NEDD9: variants seen among roughly 807,000 people sequenced by gnomAD.
The protein encoded by NEDD9 is neural precursor cell expressed, developmentally down-regulated 9.
In NEDD9, 26 loss-of-function variants were observed where a neutral mutation model predicts 76.6. The observed-to-expected ratio is 0.34, with a 90% confidence interval of 0.25 to 0.47. NEDD9 has a LOEUF of 0.47. Among genes scored for constraint, NEDD9 ranks in the 20% least tolerant of loss-of-function variants. The pLI, the probability that NEDD9 is intolerant of heterozygous loss-of-function variation, is 1.00. For missense variants in NEDD9, 937 were observed against 1,058.5 expected (o/e 0.89, Z 1.59); for synonymous variants, 392 against 414.2 (o/e 0.95, Z 0.65).
In NEDD9 at chr6:11,191,136, G is replaced by A. The variant is rs774051894; in HGVS notation, c.733C>T (p.Pro245Ser). The stretch of plus-strand genomic sequence containing the variant: ...GGCCTTCCAGCTTGTCTCATGGGAG[G>A]GGGGAAGTCATAGTCTTTTTCCCTA... ...GLREKDYDFPPPMRQAGRPDL... is the reference protein window; with the variant it reads ...GLREKDYDFPSPMRQAGRPDL... The change falls in exon 5 of 7, where the codon CCT becomes TCT. Residue 245 changes from proline to serine, a missense_variant. Pro to Ser is a moderately conservative substitution (Grantham distance 74, BLOSUM62 -1). Transcript: ENST00000379446. 1.1e-5 allele frequency: 17 copies of A among 1,613,822 alleles called. No individual in the cohort carries two copies. Among genetic ancestry groups the A allele is most frequent in the African/African-American group, 1.3e-5 (1 of 74,852 alleles).
intron 1 of NEDD9, among the ~76,000 whole-genome samples, chr6:11,374,763 T>C (rs1264936713): frequency 6.6e-6 from 1 of 152,360 alleles, no homozygotes; most frequent in African/African-American, 2.4e-5. Flanking sequence ...AACAATACTT[T>C]TGTAAATTAA....
chr6:11,307,331 G>T (rs1328562104), intron 2 of NEDD9, among the ~76,000 whole-genome samples: 5 of 152,204 alleles, frequency 3.3e-5, no homozygotes, highest in Middle Eastern at 3.4e-3. Flanking sequence ...TATAGTCTTG[G>T]CTAAGAGGGG....
intron 1 of NEDD9, among the ~76,000 whole-genome samples, chr6:11,224,178 G>GA (rs1341271195): frequency 3.0e-4 from 45 of 152,200 alleles, no homozygotes; most frequent in African/African-American, 9.6e-4. Flanking sequence ...GGATTTGGGA[G>GA]AAAAAGAGCT....
intron 5 of NEDD9, among the ~76,000 whole-genome samples, chr6:11,189,338 A>G (rs72827116): frequency 1.3e-5 from 2 of 152,194 alleles, no homozygotes; most frequent in African/African-American, 4.8e-5. Flanking sequence ...GTAGGAGGCC[A>G]ACTGTGACTA....
chr6:11,238,513 C>T (rs1027843971), intron 3 of NEDD9, among the ~76,000 whole-genome samples: 5 of 152,292 alleles, frequency 3.3e-5, no homozygotes, highest in Middle Eastern at 3.4e-3. Flanking sequence ...CTGATGCAGC[C>T]GTGTAAATAC....
At chr6:11,201,349 C>T (rs1758449988) in intron 2 of NEDD9, among the ~76,000 whole-genome samples, 1 of 152,232 alleles carries the variant, frequency 6.6e-6, no homozygotes, top group Non-Finnish European at 1.5e-5. Context: ...TCATATCCAT[C>T]ATGTTTTGCT....
At chr6:11,280,202 T>C (rs1256960378) in intron 3 of NEDD9, among the ~76,000 whole-genome samples, 1 of 152,196 alleles carries the variant, frequency 6.6e-6, no homozygotes, top group African/African-American at 2.4e-5. Context: ...TACCTCCAGC[T>C]GAGAAACAAC....
intron 1 of NEDD9, among the ~76,000 whole-genome samples, chr6:11,366,044 G>A (rs1762758591): frequency 6.6e-6 from 1 of 152,104 alleles, no homozygotes; most frequent in Non-Finnish European, 1.5e-5. Context: ...CCAGCACTTT[G>A]GGAGGCCAAG....
chr6:11,207,423 G>A (rs1191314310), intron 2 of NEDD9: 2 of 152,210 alleles, frequency 1.3e-5, no homozygotes, highest in African/African-American at 2.4e-5. Context: ...TACAAACATT[G>A]TAGCTAATCT....
intron 3 of NEDD9, among the ~76,000 whole-genome samples, chr6:11,263,851 C>T (rs41463745): frequency 0.069 from 10,444 of 152,206 alleles, 371 homozygotes; most frequent in Middle Eastern, 0.14. Flanking sequence ...CTTCTGTAAG[C>T]CTACATCCTT....
chr6:11,357,937 C>T (rs1762609013), intron 1 of NEDD9, among the ~76,000 whole-genome samples: 1 of 152,172 alleles, frequency 6.6e-6, no homozygotes, highest in South Asian at 2.1e-4. Flanking sequence ...GGTCCCGCCT[C>T]CAGAGGCAGC....
chr6:11,282,770 G>A (rs1278582810), intron 3 of NEDD9, among the ~76,000 whole-genome samples: 1 of 152,068 alleles, frequency 6.6e-6, no homozygotes, highest in Non-Finnish European at 1.5e-5. Context: ...CCTGAGCTAC[G>A]GCAACAGCTC....
At chr6:11,193,761 T>A in intron 2 of NEDD9, 69 bp from the exon 3 acceptor site, 1 of 990,162 alleles carries the variant, frequency 1.0e-6, no homozygotes, top group South Asian at 1.4e-5. Context: ...GCCTCCTAAC[T>A]AAGCACTCAT....
rs187189512 is a variant in NEDD9, at chr6:11,257,208, T to G, written c.13-43481A>C. Among the ~76,000 whole-genome samples, 837 of 152,358 alleles carry G rather than the reference T, an allele frequency of 5.5e-3. 8 individuals carry two copies. Among genetic ancestry groups the G allele is most frequent in the South Asian group, 0.024 (116 of 4,828 alleles). ...TCTGGGCTGGATAATTCTTTGCTGTTGGAGAGTATCCTGTGCATTTCAGGA... is the reference window on the plus strand; with the variant it reads ...TCTGGGCTGGATAATTCTTTGCTGTGGGAGAGTATCCTGTGCATTTCAGGA... On this transcript the variant is annotated intron_variant, in intron 3 of 3. Coordinates refer to the NEDD9 transcript ENST00000397378.
At chr6:11,304,775 G>A (rs948830141) in intron 3 of NEDD9, among the ~76,000 whole-genome samples, 6 of 152,266 alleles carry the variant, frequency 3.9e-5, no homozygotes, top group African/African-American at 1.4e-4. Flanking sequence ...ATGGACACAG[G>A]GTGGGGAACC....
chr6:11,354,606 T>C (rs1762531702), intron 1 of NEDD9, among the ~76,000 whole-genome samples: 1 of 152,158 alleles, frequency 6.6e-6, no homozygotes, highest in Non-Finnish European at 1.5e-5. Flanking sequence ...AAGACTACCA[T>C]GGACATTTGC....
intron 3 of NEDD9, among the ~76,000 whole-genome samples, chr6:11,304,198 A>T (rs1367779037): frequency 6.6e-6 from 1 of 152,264 alleles, no homozygotes; most frequent in East Asian, 1.9e-4. Context: ...GCCAACAGAC[A>T]TATGAAAAAA....
At chr6:11,313,919 CTG>C (rs1761461466) in intron 2 of NEDD9, among the ~76,000 whole-genome samples, 1 of 152,282 alleles carries the variant, frequency 6.6e-6, no homozygotes, top group African/African-American at 2.4e-5. Context: ...CTGCAATAGA[CTG>C]TGATTATAGG....
intron 1 of NEDD9, among the ~76,000 whole-genome samples, chr6:11,371,691 C>G (rs1485382100): frequency 6.6e-6 from 1 of 152,196 alleles, no homozygotes; most frequent in Admixed American, 6.5e-5. Context: ...CGTGATGACG[C>G]TTTCTTAGAA....
Sources: gnomAD v4.1 joint callset for allele counts (sites outside exome capture counted in the v4.1 genomes callset) on GRCh38, gnomAD v4.1.1 for gene constraint, MANE v1.5 for transcripts, NCBI Gene and HGNC (gene_info 2026-07-23, HGNC 2026-07-21) for gene names.